The following WNT3A variants were observed in gnomAD, a reference collection of about 807,000 sequenced individuals.
WNT3A encodes Wnt family member 3A, also known as protein Wnt-3a.
A neutral mutation model predicts 37.0 loss-of-function variants in WNT3A; 17 were observed. The observed-to-expected ratio is 0.46, with a 90% CI of 0.31 to 0.69. The LOEUF is 0.69. WNT3A is among the 30% of genes least tolerant of loss of function. WNT3A has a pLI of 0.05. For synonymous variants in WNT3A, 187 were observed against 211.0 expected, an observed-to-expected ratio of 0.89 and a Z score of 0.99; for missense variants, 411 against 510.2, an observed-to-expected ratio of 0.81 and a Z score of 1.87.
At chr1:228,026,645 T>C (rs1463920924) in intron 2 of WNT3A, among the ~76,000 whole-genome samples, 2 of 152,180 alleles carry the variant, frequency 1.3e-5, no homozygotes, top group Non-Finnish European at 2.9e-5. Context: ...CCAGTGTCCA[T>C]GATATCACTC....
rs372472427 is a variant in WNT3A, at chr1:228,038,995, G to T, written c.314-11661G>T. On this transcript the variant is annotated intron_variant, in intron 2 of 3. Coordinates refer to ENST00000284523, the MANE Select transcript of WNT3A (RefSeq NM_033131.4). This position sits in a 1 kb window ranked among gnomAD's most constrained non-coding sequence, Gnocchi z 5.7. ...AGATTCAGCAGAGTTTTTCTCCTGG[G>T]CAGTGGGCAATGTTGGGAGTCTGGG... Among the ~76,000 whole-genome samples, 70 of 152,298 alleles carry T rather than the reference G, an allele frequency of 4.6e-4. No homozygotes were observed. Among genetic ancestry groups the T allele is most frequent in the African/African-American group, 1.5e-3 (64 of 41,560 alleles).
At position 228,048,778 on chromosome 1, in the gene WNT3A, C is replaced by T. The variant is rs554908211; in HGVS notation, c.314-1878C>T. Among the ~76,000 whole-genome samples, 7 of 152,232 alleles carry T rather than the reference C, an allele frequency of 4.6e-5. No individual in the cohort carries two copies. The East Asian group carries it at 1.2e-3, about 25-fold the overall frequency. ...CAGGCCCACCCCCTCTCCTCATGCCCTTGCAGAAGTGTCTGCATACACCCA... is the reference window on the plus strand; with the variant it reads ...CAGGCCCACCCCCTCTCCTCATGCCTTTGCAGAAGTGTCTGCATACACCCA... On this transcript the variant is annotated intron_variant, in intron 2 of 3. Transcript: ENST00000284523.
At chr1:228,020,078 G>A (rs1249970062) in intron 1 of WNT3A, among the ~76,000 whole-genome samples, 1 of 152,246 alleles carries the variant, frequency 6.6e-6, no homozygotes, top group East Asian at 1.9e-4. Context: ...ACAAACATTA[G>A]CCAGGCATGG....
At chr1:228,011,543 T>C (rs2030371120) in intron 1 of WNT3A, among the ~76,000 whole-genome samples, 2 of 152,160 alleles carry the variant, frequency 1.3e-5, no homozygotes, top group South Asian at 4.2e-4. Flanking sequence ...CTCTCTTCCC[T>C]GTATCTGTCT....
intron 1 of WNT3A, among the ~76,000 whole-genome samples, chr1:228,021,730 A>AG (rs1410459700): frequency 6.6e-6 from 1 of 152,202 alleles, no homozygotes; most frequent in East Asian, 1.9e-4. Flanking sequence ...GATGGGTCTG[A>AG]GTTCCACAGT....
At chr1:228,051,585 G>A (rs78125263) in intron 3 of WNT3A, among the ~76,000 whole-genome samples, 14 of 152,146 alleles carry the variant, frequency 9.2e-5, no homozygotes, top group African/African-American at 1.4e-4. Context: ...TACCTTGTCC[G>A]GTGAGGGCCT....
chr1:228,042,576 G>A lies in WNT3A; in HGVS notation c.314-8080G>A, dbSNP rs1283099610. On this transcript the variant is annotated intron_variant, in intron 2 of 3. Coordinates refer to ENST00000284523, the MANE Select transcript of WNT3A (RefSeq NM_033131.4). This position sits in a 1 kb window ranked among gnomAD's most constrained non-coding sequence, Gnocchi z 5.2. ...GATGATGGATGGATGATGGTTGAAT[G>A]GTGGATGGGTGATGAATTGATGATG... Among the ~76,000 whole-genome samples, 5 of 152,076 alleles carry A rather than the reference G, an allele frequency of 3.3e-5. No homozygotes were observed.
At chr1:228,048,511 G>A (rs894889328) in intron 2 of WNT3A, among the ~76,000 whole-genome samples, 2 of 152,212 alleles carry the variant, frequency 1.3e-5, no homozygotes, top group Admixed American at 6.5e-5. Context: ...CAAACAGCAG[G>A]CACTCTGTTC....
At chr1:228,044,400 C>A (rs2031355707) in intron 2 of WNT3A, among the ~76,000 whole-genome samples, 1 of 152,122 alleles carries the variant, frequency 6.6e-6, no homozygotes, top group Non-Finnish European at 1.5e-5. Flanking sequence ...GTCCCAGAAC[C>A]CCCTCCTGGG....
rs74586716 is a variant in WNT3A at position 228,039,853 on chromosome 1, T to A, written c.314-10803T>A. ...TGCCTCCCCGAGGAGCTGGATTTCA[T>A]TGTCCTATGGTCGCATTTAACAACA... On this transcript the variant is annotated intron_variant, in intron 2 of 3. Coordinates refer to ENST00000284523, the MANE Select transcript of WNT3A (RefSeq NM_033131.4). This position sits in a 1 kb window ranked among gnomAD's most constrained non-coding sequence, Gnocchi z 4.1. 2.6e-4 allele frequency among the ~76,000 whole-genome samples: 40 copies of A among 152,290 alleles called. No individual in the cohort carries two copies. The highest frequency in any genetic ancestry group is 4.6e-4 in the Non-Finnish European group (31 of 68,014).
At chr1:228,028,692 A>G (rs1207959720) in intron 2 of WNT3A, among the ~76,000 whole-genome samples, 1 of 152,124 alleles carries the variant, frequency 6.6e-6, no homozygotes, top group Non-Finnish European at 1.5e-5. Flanking sequence ...TTTGAGGGGA[A>G]TTGCCTTGAA....
intron 2 of WNT3A, among the ~76,000 whole-genome samples, chr1:228,036,365 G>A (rs966394291): frequency 7.3e-5 from 11 of 151,230 alleles, no homozygotes; most frequent in African/African-American, 2.7e-4. Flanking sequence ...ATGCCTGTGT[G>A]TATGCATGTG....
Position 228,042,167 on chromosome 1 carries a change from C to G in WNT3A, c.314-8489C>G, listed in dbSNP as rs551340682. ...CTGATTTTTGTATTTTTAGTAGAGACGGGGTTTCACCATGTTGGCCAGGAT... is the reference window on the plus strand; with the variant it reads ...CTGATTTTTGTATTTTTAGTAGAGAGGGGGTTTCACCATGTTGGCCAGGAT... On this transcript the variant is annotated intron_variant, in intron 2 of 3. Coordinates refer to ENST00000284523, the MANE Select transcript of WNT3A (RefSeq NM_033131.4). The surrounding 1 kb of genome is among the most constrained non-coding windows in gnomAD (Gnocchi z 5.2). 9.2e-5 allele frequency among the ~76,000 whole-genome samples: 14 copies of G among 152,062 alleles called. No homozygotes were observed. The highest frequency in any genetic ancestry group is 3.4e-4 in the African/African-American group (14 of 41,402).
intron 3 of WNT3A, among the ~76,000 whole-genome samples, chr1:228,055,502 T>C (rs928303907): frequency 4.0e-5 from 6 of 151,846 alleles, no homozygotes; most frequent in African/African-American, 1.5e-4. Context: ...TAGATGCTAA[T>C]ACAGATAGGA....
At chr1:228,044,575 G>A (rs971927575) in intron 2 of WNT3A, among the ~76,000 whole-genome samples, 3 of 152,166 alleles carry the variant, frequency 2.0e-5, no homozygotes, top group Admixed American at 6.5e-5. Flanking sequence ...GTGCATTTTG[G>A]GTGAGAATAC....
rs1455754549 is a variant in WNT3A at position 228,038,279 on chromosome 1, C to A, written c.314-12377C>A. 6.6e-6 allele frequency among the ~76,000 whole-genome samples: 1 copy of A among 152,022 alleles called. No homozygotes were observed. The highest frequency in any genetic ancestry group is 1.5e-5 in the Non-Finnish European group (1 of 67,964). On this transcript the variant is annotated intron_variant, in intron 2 of 3. Transcript: ENST00000284523. This position sits in a 1 kb window ranked among gnomAD's most constrained non-coding sequence, Gnocchi z 5.7. ...GAGGGGAGGCGCCCGGGCGTCGGCTCCGGCGGGCTCCGGCGGGGACCGGGG... is the reference window on the plus strand; with the variant it reads ...GAGGGGAGGCGCCCGGGCGTCGGCTACGGCGGGCTCCGGCGGGGACCGGGG...
chr1:228,028,288 T>C (rs927650177), intron 2 of WNT3A, among the ~76,000 whole-genome samples: 11 of 128,712 alleles, frequency 8.5e-5, no homozygotes, highest in Non-Finnish European at 1.1e-4. Context: ...TTTGGTTACA[T>C]ATAATTTTTT....
At chr1:228,045,183 C>T (rs2031372150) in intron 2 of WNT3A, among the ~76,000 whole-genome samples, 1 of 152,198 alleles carries the variant, frequency 6.6e-6, no homozygotes, top group Non-Finnish European at 1.5e-5. Context: ...ATGGGCAGGG[C>T]ATGAGTGAGG....
chr1:228,021,508 C>T (rs549235123), intron 1 of WNT3A, among the ~76,000 whole-genome samples: 30 of 152,258 alleles, frequency 2.0e-4, no homozygotes, highest in East Asian at 1.9e-4. Context: ...CACGTGCTCA[C>T]GGGAGCCCAT....
Sources: allele counts gnomAD v4.1 joint callset (sites outside exome capture counted in the v4.1 genomes callset), GRCh38; gene constraint gnomAD v4.1.1; non-coding constraint Gnocchi (gnomAD v3.1); transcripts MANE v1.5; gene names NCBI Gene and HGNC (gene_info 2026-07-23, HGNC 2026-07-21).